Variants in CCNQ observed in about 807,000 individuals in gnomAD.
CCNQ encodes the protein cyclin Q.
Under a neutral mutation model 17.7 loss-of-function variants are expected in CCNQ, and 3 were observed. The observed-to-expected ratio is 0.17, with a 90% CI of 0.08 to 0.44. The LOEUF (loss-of-function observed/expected upper bound fraction) is 0.44. Ranked by LOEUF, CCNQ falls within the 20% of genes least tolerant of loss-of-function variation. The pLI, the probability that CCNQ is intolerant of heterozygous loss-of-function variation, is 0.99. For synonymous variants in CCNQ, 73 were observed against 96.0 expected (o/e 0.76, Z 1.40); for missense variants, 146 against 222.6 (o/e 0.66, Z 2.19).
In CCNQ at chrX:153,599,132, C is replaced by T; in HGVS notation, c.-59G>A. 3.4e-6 allele frequency: 2 copies of T among 580,917 alleles called. No individual in the cohort carries two copies. Among genetic ancestry groups the T allele is most frequent in the African/African-American group, 2.5e-5 (1 of 40,220 alleles). 47.9% of individuals were successfully genotyped at this position (580,917 alleles called of 1,213,427 possible). A position where few individuals can be genotyped will look rare whatever the true frequency, so the allele number is the denominator to read the frequency against. On this transcript the variant is annotated 5_prime_UTR_variant, in exon 1 of 5. Coordinates refer to ENST00000576892, the MANE Select transcript of CCNQ (RefSeq NM_152274.5). ...CCCCGGCGCGCAGAAGCCGGCAGAA[C>T]TGGAGGTGCTCGCGGCGGGCGCTGC...
At chrX:153,594,933 C>A (rs1237445422) in intron 2 of CCNQ, among the ~76,000 whole-genome samples, 7 of 112,249 alleles carry the variant, frequency 6.2e-5, no homozygotes, top group African/African-American at 2.3e-4. Context: ...CGCTATCATT[C>A]AGCAAAATGT....
intron 4 of CCNQ, among the ~76,000 whole-genome samples, chrX:153,590,484 G>A (rs782017787): frequency 9.0e-6 from 1 of 110,606 alleles, no homozygotes; most frequent in African/African-American, 3.3e-5. Flanking sequence ...ACTCTGTAGA[G>A]GACAGTGGAA....
At chrX:153,591,422 G>C (rs782670437) in intron 4 of CCNQ, among the ~76,000 whole-genome samples, 1 of 112,301 alleles carries the variant, frequency 8.9e-6, no homozygotes, top group Non-Finnish European at 1.9e-5. Context: ...GGCTGTGCAG[G>C]GTTACCTGGG....
Position 153,594,664 on chromosome X carries a change from G to A in CCNQ, c.312C>T (p.Ser104=), listed in dbSNP as rs1172203273. The change falls in exon 3 of 5, where the codon AGC becomes AGT. Residue 104 remains serine (S), a synonymous_variant. Coordinates refer to ENST00000576892, the MANE Select transcript of CCNQ (RefSeq NM_152274.5). ...INVSNRYFNP[S]GEPLELDSRF... The stretch of plus-strand genomic sequence containing the variant: ...GGGAGTCCAATTCCAGGGGCTCACC[G>A]CTTGGGTTAAAGTACCTGCGCAGAG... 9 of 1,210,053 alleles carry A rather than the reference G, an allele frequency of 7.4e-6. No homozygotes were observed. The highest frequency in any genetic ancestry group is 5.3e-5 in the South Asian group (3 of 56,869).
chrX:153,594,659 T>C lies in CCNQ; in HGVS notation c.317A>G (p.Glu106Gly), dbSNP rs2148301096. 8.3e-7 allele frequency: 1 copy of C among 1,211,484 alleles called. No homozygotes were observed. The highest frequency in any genetic ancestry group is 3.0e-5 in the East Asian group (1 of 33,830). ...VSNRYFNPSGEPLELDSRFWE... is the reference protein window; with the variant it reads ...VSNRYFNPSGGPLELDSRFWE... ...GAAGCGGGAGTCCAATTCCAGGGGC[T>C]CACCGCTTGGGTTAAAGTACCTGCG... Residue 106 changes from glutamate to glycine, a missense_variant, in exon 3 of 5, where the codon GAG becomes GGG. Coordinates refer to ENST00000576892, the MANE Select transcript of CCNQ (RefSeq NM_152274.5).
Position 153,592,610 on chromosome X carries a change from G to T in CCNQ, c.553C>A (p.Arg185Ser), listed in dbSNP as rs191902079. The change falls in exon 4 of 5, where the codon CGC (arginine) becomes AGC (serine). Residue 185 changes from arginine (R) to serine (S), a missense_variant. Transcript: ENST00000576892. ...RDSYHGALCL[R>S]FQAQHIAVAV... ...ACGGCGATGTGCTGGGCCTGGAAGC[G>T]GAGGCACAGCGCCCCATGGTAGCTG... The T allele has an allele frequency of 8.3e-7, 1 of 1,210,349 alleles. No individual in the cohort carries two copies. Among genetic ancestry groups the T allele is most frequent in the East Asian group, 3.0e-5 (1 of 33,744 alleles).
At chrX:153,590,412 T>C (rs1443582202) in intron 4 of CCNQ, among the ~76,000 whole-genome samples, 5 of 110,040 alleles carry the variant, frequency 4.5e-5, no homozygotes, top group African/African-American at 1.7e-4. Flanking sequence ...AAGAAGCCAG[T>C]CACAGAAAGG....
chrX:153,598,944 T>TC lies in CCNQ; in HGVS notation c.112+17dup. 9.1e-7 allele frequency: 1 copy of TC among 1,101,712 alleles called. No individual in the cohort carries two copies. Among genetic ancestry groups the TC allele is most frequent in the Non-Finnish European group, 1.2e-6 (1 of 835,074 alleles). The allele number at this position is 1,101,712 out of a possible 1,213,427, so 90.8% of individuals were successfully genotyped here. A position where few individuals can be genotyped will look rare whatever the true frequency, so the allele number is the denominator to read the frequency against. On this transcript the variant is annotated intron_variant, in intron 1 of 4. Coordinates refer to ENST00000576892, the MANE Select transcript of CCNQ (RefSeq NM_152274.5). ...GGCCGCGGCGCCGCCTGTCCTGGCC[T>TC]CCCCCGGCCGCGGTTACCTGCCTCC... is the stretch of plus-strand genomic sequence containing the variant.
intron 2 of CCNQ, among the ~76,000 whole-genome samples, chrX:153,595,784 A>G (rs1235029130): frequency 8.9e-6 from 1 of 112,209 alleles, no homozygotes; most frequent in African/African-American, 3.2e-5. Flanking sequence ...GGCTCCCCAT[A>G]ATCTGGCCCA....
chrX:153,593,597 G>A (rs1014073598), intron 3 of CCNQ, among the ~76,000 whole-genome samples: 3 of 112,349 alleles, frequency 2.7e-5, no homozygotes, highest in Non-Finnish European at 5.6e-5. Flanking sequence ...GGCTTTCCAG[G>A]TACTGAGGTG....
chrX:153,596,249 G>GCA, intron 1 of CCNQ, 62 bp from the exon 2 acceptor site: 1 of 1,138,482 alleles, frequency 8.8e-7, no homozygotes, highest in Non-Finnish European at 1.2e-6. Flanking sequence ...GCTCCAGTGA[G>GCA]GGGAGCCATT....
chrX:153,590,721 C>G (rs1557025605), intron 4 of CCNQ, among the ~76,000 whole-genome samples: 1 of 112,063 alleles, frequency 8.9e-6, no homozygotes, highest in Admixed American at 9.4e-5. Context: ...AGGTGGCAAC[C>G]CTGGGGCACC....
At chrX:153,592,110 G>A (rs899346891) in intron 4 of CCNQ, among the ~76,000 whole-genome samples, 2 of 111,703 alleles carry the variant, frequency 1.8e-5, no homozygotes, top group Non-Finnish European at 3.8e-5. Context: ...CTGTCAACTA[G>A]CCAGCTAGCT....
chrX:153,599,062 C>G lies in CCNQ; in HGVS notation c.12G>C (p.Pro4=). 1 of 1,051,602 alleles carries G rather than the reference C, an allele frequency of 9.5e-7. No homozygotes were observed. The highest frequency in any genetic ancestry group is 2.4e-5 in the South Asian group (1 of 41,691). 86.7% of individuals were successfully genotyped at this position (1,051,602 alleles called of 1,213,427 possible). A position where few individuals can be genotyped will look rare whatever the true frequency, so the allele number is the denominator to read the frequency against. Residue 4 remains proline, a synonymous_variant, in exon 1 of 5, where the codon CCG becomes CCC. Transcript: ENST00000576892. ...CTGCAGGCCCCCCTCCGCCGCCCTC[C>G]GGGGCTTCCATGAGGCGCCGCGGCA... MEA[P]EGGGGGPAAR...
chrX:153,598,721 G>T, intron 1 of CCNQ, among the ~76,000 whole-genome samples: 1 of 113,413 alleles, frequency 8.8e-6, no homozygotes, highest in Non-Finnish European at 1.9e-5. Flanking sequence ...CGCCTCGCTG[G>T]AGGCCCAACC....
chrX:153,595,100 C>T (rs1053799420), intron 2 of CCNQ, among the ~76,000 whole-genome samples: 6 of 112,732 alleles, frequency 5.3e-5, no homozygotes, highest in Non-Finnish European at 9.4e-5. Context: ...GCCCAAGGAA[C>T]GTATTTTTTT....
intron 2 of CCNQ, 50 bp downstream of exon 2, chrX:153,595,954 C>A (rs1557026901): frequency 8.3e-7 from 1 of 1,198,880 alleles, no homozygotes; most frequent in East Asian, 3.0e-5. Flanking sequence ...GCCTTCCCTG[C>A]CCGTCCCCCC....
At chrX:153,590,931 T>C (rs1335766689) in intron 4 of CCNQ, among the ~76,000 whole-genome samples, 2 of 111,701 alleles carry the variant, frequency 1.8e-5, no homozygotes, top group Non-Finnish European at 3.8e-5. Flanking sequence ...TTCAGCAGCA[T>C]TGCGTGACGA....
chrX:153,594,440 C>T (rs782067503), intron 3 of CCNQ, 107 bp downstream of exon 3: 1 of 1,041,164 alleles, frequency 9.6e-7, no homozygotes, highest in African/African-American at 1.8e-5. Flanking sequence ...GCCCTGCTCT[C>T]CTTCTGTGCT....
Sources: allele counts gnomAD v4.1 joint callset (sites outside exome capture counted in the v4.1 genomes callset), GRCh38; gene constraint gnomAD v4.1.1; transcripts MANE v1.5; gene names NCBI Gene and HGNC (gene_info 2026-07-23, HGNC 2026-07-21).